SPECC1: variants seen among roughly 807,000 people sequenced by gnomAD.
The protein encoded by SPECC1 is cytospin-B.
Under a neutral mutation model 104.1 loss-of-function variants are expected in SPECC1, and 62 were observed. That is an observed-to-expected ratio of 0.60 (90% CI 0.49 to 0.74). The LOEUF (loss-of-function observed/expected upper bound fraction) is 0.74. Ranked by LOEUF, SPECC1 falls within the 30% of genes least tolerant of loss-of-function variation. The pLI, the probability that SPECC1 is intolerant of heterozygous loss-of-function variation, is 0.00. For synonymous variants in SPECC1, 513 were observed against 501.6 expected, an observed-to-expected ratio of 1.02 and a Z score of -0.30; for missense variants, 1,306 against 1,310.5, an observed-to-expected ratio of 1.00 and a Z score of 0.05.
chr17:20,288,138 T>A (rs2041022503), intron 12 of SPECC1, among the ~76,000 whole-genome samples: 1 of 152,222 alleles, frequency 6.6e-6, no homozygotes, highest in Admixed American at 6.5e-5. Context: ...CTTGTTTTTT[T>A]ATGGCTGCAT....
At chr17:20,300,455 T>G (rs549705756) in intron 13 of SPECC1, among the ~76,000 whole-genome samples, 1 of 152,250 alleles carries the variant, frequency 6.6e-6, no homozygotes, top group Non-Finnish European at 1.5e-5. Flanking sequence ...TTTCTAACAC[T>G]GTGCTGGGTG....
intron 4 of SPECC1, among the ~76,000 whole-genome samples, chr17:20,213,947 G>A (rs914328167): frequency 1.3e-5 from 2 of 152,084 alleles, no homozygotes; most frequent in Non-Finnish European, 2.9e-5. Context: ...GTGGGTTTTA[G>A]TGTATTCACA....
intron 3 of SPECC1, among the ~76,000 whole-genome samples, chr17:20,160,763 A>G (rs577666657): frequency 3.3e-5 from 5 of 152,288 alleles, no homozygotes; most frequent in African/African-American, 4.8e-5. Context: ...ATGATATACT[A>G]TACCCTTATT....
chr17:20,111,335 A>G (rs2048481125), intron 3 of SPECC1, among the ~76,000 whole-genome samples: 1 of 152,224 alleles, frequency 6.6e-6, no homozygotes, highest in Admixed American at 6.5e-5. Flanking sequence ...AGTCACATTC[A>G]GGCTAGATCT....
At position 20,219,995 on chromosome 17, in the gene SPECC1, G is replaced by A. The variant is rs187131520; in HGVS notation, c.1864-7418G>A. The stretch of plus-strand genomic sequence containing the variant: ...GAAAATGAGTTCATGTAGATGTATG[G>A]ATTTATTCCTGGATTCTCTATTCTA... On this transcript the variant is annotated intron_variant, in intron 4 of 14. Transcript: ENST00000395527. 5.5e-4 allele frequency among the ~76,000 whole-genome samples: 84 copies of A among 152,166 alleles called. 1 individual carries two copies. The East Asian group carries it at 0.015, about 27-fold the overall frequency.
At chr17:20,159,899 A>G (rs1427246315) in intron 3 of SPECC1, among the ~76,000 whole-genome samples, 1 of 152,114 alleles carries the variant, frequency 6.6e-6, no homozygotes, top group Admixed American at 6.5e-5. Flanking sequence ...GCATCTGCTT[A>G]GAGAGTTGAG....
chr17:20,022,807 A>G (rs1035574408), intron 1 of SPECC1, among the ~76,000 whole-genome samples: 2 of 152,172 alleles, frequency 1.3e-5, no homozygotes, highest in African/African-American at 2.4e-5. Context: ...ATAAACAAGC[A>G]TGGTGATGAT....
intron 3 of SPECC1, chr17:20,155,513 T>G (rs1038306387): frequency 6.6e-6 from 1 of 152,270 alleles, no homozygotes. Context: ...TTACGATTGG[T>G]ATGCATTTTT....
intron 12 of SPECC1, 56 bp from the exon 13 acceptor site, chr17:20,296,905 G>A: frequency 6.7e-7 from 1 of 1,502,192 alleles, no homozygotes; most frequent in Non-Finnish European, 9.2e-7. Context: ...TTCCTCATCT[G>A]TGATACTGCA....
intron 13 of SPECC1, among the ~76,000 whole-genome samples, chr17:20,301,386 C>T (rs1393018834): frequency 6.6e-6 from 1 of 151,770 alleles, no homozygotes; most frequent in Non-Finnish European, 1.5e-5. Flanking sequence ...AGCCGTGTTC[C>T]CCTATGTGCT....
At chr17:20,077,123 A>G (rs1476012198) in intron 1 of SPECC1, among the ~76,000 whole-genome samples, 1 of 152,186 alleles carries the variant, frequency 6.6e-6, no homozygotes, top group African/African-American at 2.4e-5. Context: ...ACATGCAGTC[A>G]TTTAACATTT....
At chr17:20,119,188 G>C (rs2048905272) in intron 3 of SPECC1, among the ~76,000 whole-genome samples, 1 of 152,222 alleles carries the variant, frequency 6.6e-6, no homozygotes, top group African/African-American at 2.4e-5. Context: ...AATTATTTGA[G>C]TTAATAGGGT....
At position 20,040,011 on chromosome 17, in the gene SPECC1, T is replaced by C. The variant is rs2045257486; in HGVS notation, c.-22+30587T>C. Among the ~76,000 whole-genome samples the C allele has an allele frequency of 2.0e-5, 3 of 152,088 alleles. No individual in the cohort carries two copies. The South Asian group carries it at 6.2e-4, about 32-fold the overall frequency. ...TGTTTTTAAAAAATTTAGTTTGTCC[T>C]CCTCTTTTTTTCTCTTTTTGTCTTG... On this transcript the variant is annotated intron_variant, in intron 1 of 14. Coordinates refer to ENST00000395527, the MANE Select transcript of SPECC1 (RefSeq NM_001243439.2).
At chr17:20,018,579 T>C (rs1331023713) in intron 1 of SPECC1, among the ~76,000 whole-genome samples, 1 of 152,210 alleles carries the variant, frequency 6.6e-6, no homozygotes, top group African/African-American at 2.4e-5. Context: ...AATTTATTTC[T>C]GTGTTGGGGG....
intron 12 of SPECC1, among the ~76,000 whole-genome samples, chr17:20,266,643 A>G (rs1257875708): frequency 1.3e-5 from 2 of 152,246 alleles, no homozygotes; most frequent in Non-Finnish European, 2.9e-5. Context: ...AACAGGCAAC[A>G]GTCCCTGCTC....
intron 3 of SPECC1, among the ~76,000 whole-genome samples, chr17:20,129,095 A>G (rs930549937): frequency 1.3e-5 from 2 of 151,612 alleles, no homozygotes; most frequent in African/African-American, 2.4e-5. Context: ...GGTGCTCACT[A>G]TGTTCCTGGG....
At chr17:20,292,960 G>A (rs1466353025) in intron 12 of SPECC1, among the ~76,000 whole-genome samples, 1 of 152,212 alleles carries the variant, frequency 6.6e-6, no homozygotes, top group Non-Finnish European at 1.5e-5. Flanking sequence ...GCTTTTGGGG[G>A]ACATTCTGGG....
chr17:20,089,692 G>T (rs773252938), intron 1 of SPECC1, among the ~76,000 whole-genome samples: 8 of 152,190 alleles, frequency 5.3e-5, no homozygotes, highest in Admixed American at 1.3e-4. Flanking sequence ...GACCCCAGCT[G>T]AATTTTCAGA....
In SPECC1 at chr17:20,048,644, C is replaced by T. The variant is rs564197626; in HGVS notation, c.-22+39220C>T. 7.9e-5 allele frequency among the ~76,000 whole-genome samples: 12 copies of T among 152,146 alleles called. No individual in the cohort carries two copies. The South Asian group carries it at 1.7e-3, about 21-fold the overall frequency. On this transcript the variant is annotated intron_variant, in intron 1 of 14. Transcript: ENST00000395527. ...TCCCAGGGCCAGGCGCGGTGGCTCA[C>T]GCCTGTAATCCCAGCACTTTGGAGC...
Sources: allele counts gnomAD v4.1 joint callset (sites outside exome capture counted in the v4.1 genomes callset), GRCh38; gene constraint gnomAD v4.1.1; transcripts MANE v1.5; gene names NCBI Gene and HGNC (gene_info 2026-07-23, HGNC 2026-07-21).